The following RGS6 variants were observed in gnomAD, a reference collection of about 807,000 sequenced individuals.
RGS6 encodes the protein regulator of G-protein signaling 6.
A neutral mutation model predicts 78.5 loss-of-function variants in RGS6; 30 were observed. The ratio of observed to expected loss-of-function variants is 0.38; its 90% CI spans 0.29 to 0.52. The LOEUF (loss-of-function observed/expected upper bound fraction) is 0.52. RGS6 is among the 20% of genes least tolerant of loss of function. The probability of loss-of-function intolerance (pLI) is 0.85; values close to 1 mark genes in which losing one functional copy is unlikely to be tolerated. For synonymous variants in RGS6, 206 were observed against 206.0 expected, an observed-to-expected ratio of 1.00 and a Z score of 0.00; for missense variants, 495 against 609.7, an observed-to-expected ratio of 0.81 and a Z score of 1.98.
At chr14:72,375,046 A>C (rs868276545) in intron 3 of RGS6, among the ~76,000 whole-genome samples, 1 of 152,202 alleles carries the variant, frequency 6.6e-6, no homozygotes, top group African/African-American at 2.4e-5. Context: ...TAAAGCAGAT[A>C]AAAGTACTCA....
chr14:71,986,360 G>A (rs555424826), intron 2 of RGS6, among the ~76,000 whole-genome samples: 41 of 152,248 alleles, frequency 2.7e-4, no homozygotes, highest in Middle Eastern at 6.8e-3. Context: ...TTCAGCAGCT[G>A]CCTGGATTAG....
chr14:72,074,138 T>C (rs1489459963), intron 2 of RGS6, among the ~76,000 whole-genome samples: 3 of 152,230 alleles, frequency 2.0e-5, no homozygotes, highest in Admixed American at 6.5e-5. Context: ...GCAGGTAGAC[T>C]GGAGAAAGTG....
At chr14:72,440,906 AGG>A (rs1491173912) in intron 3 of RGS6, among the ~76,000 whole-genome samples, 1 of 152,074 alleles carries the variant, frequency 6.6e-6, no homozygotes, top group South Asian at 2.1e-4. Context: ...GCACATGCGC[AGG>A]TGTGTAAGTG....
chr14:72,258,995 C>G (rs2057614291), intron 2 of RGS6, among the ~76,000 whole-genome samples: 1 of 152,094 alleles, frequency 6.6e-6, no homozygotes, highest in Non-Finnish European at 1.5e-5. Flanking sequence ...ATTGGGAACA[C>G]AGTAGGGAGT....
chr14:72,372,160 G>A (rs746000086), intron 3 of RGS6, among the ~76,000 whole-genome samples: 57 of 152,138 alleles, frequency 3.7e-4, no homozygotes, highest in Non-Finnish European at 7.4e-4. Flanking sequence ...TTACTGACAT[G>A]TTAATATAAT....
At chr14:72,271,917 T>C (rs1404716921) in intron 2 of RGS6, among the ~76,000 whole-genome samples, 1 of 143,012 alleles carries the variant, frequency 7.0e-6, no homozygotes, top group African/African-American at 2.8e-5. Flanking sequence ...TAACACAGCA[T>C]CACTTTTTTT....
the RGS6 span, among the ~76,000 whole-genome samples, chr14:72,587,548 A>C: frequency 2.6e-5 from 4 of 152,110 alleles, no homozygotes; most frequent in African/African-American, 9.7e-5. Context: ...CTTTATCCTT[A>C]AACTGGCAAA....
At position 72,325,655 on chromosome 14, in the gene RGS6, ATTC is replaced by A. The variant is rs948152444; in HGVS notation, c.85-26434_85-26432del. Among the ~76,000 whole-genome samples the A allele has an allele frequency of 2.6e-4, 39 of 152,200 alleles. 1 individual carries two copies. The highest frequency in any genetic ancestry group is 1.2e-3 in the Admixed American group (19 of 15,284). On this transcript the variant is annotated intron_variant, in intron 2 of 17. Coordinates refer to ENST00000553525, the MANE Select transcript of RGS6 (RefSeq NM_001204424.2). Reference sequence around the variant, plus strand: ...TTTTTGTCAGTTTTGACAAAGGACTATTCTTCTTAACATGTTAAAAATCTCTTG... The same window carrying A: ...TTTTTGTCAGTTTTGACAAAGGACTATTCTTAACATGTTAAAAATCTCTTG...
At chr14:72,492,001 T>A (rs1548686) in intron 12 of RGS6, among the ~76,000 whole-genome samples, 114,893 of 152,082 alleles carry the variant, frequency 0.76, 44,426 homozygotes, top group East Asian at 0.96. Context: ...TACGCTCAGA[T>A]CTCAGACACA....
In RGS6 at chr14:72,398,283, A is replaced by G. The variant is rs370328869; in HGVS notation, c.184+46089A>G. ...CTTCTTCCTGGTTTAGTCTTGGGAG[A>G]GTGTATGTGTTGAGGAATTTATCCA... is the stretch of plus-strand genomic sequence containing the variant. On this transcript the variant is annotated intron_variant, in intron 3 of 17. Transcript: ENST00000553525. Among the ~76,000 whole-genome samples, 5 of 152,022 alleles carry G rather than the reference A, an allele frequency of 3.3e-5. No individual in the cohort carries two copies. The East Asian group carries it at 5.8e-4, about 18-fold the overall frequency.
intron 2 of RGS6, among the ~76,000 whole-genome samples, chr14:72,349,726 G>A (rs2078763084): frequency 6.6e-6 from 1 of 152,206 alleles, no homozygotes; most frequent in African/African-American, 2.4e-5. Context: ...ATTCAGTCGT[G>A]TGGTGAAATA....
At chr14:72,311,384 A>G (rs1425434218) in intron 2 of RGS6, among the ~76,000 whole-genome samples, 1 of 152,210 alleles carries the variant, frequency 6.6e-6, no homozygotes, top group African/African-American at 2.4e-5. Flanking sequence ...CTAAATGCTA[A>G]TAAGATTTGG....
chr14:72,306,377 C>T (rs571791974), intron 2 of RGS6, among the ~76,000 whole-genome samples: 1 of 152,260 alleles, frequency 6.6e-6, no homozygotes, highest in South Asian at 2.1e-4. Context: ...TTCTATAGCC[C>T]TGGAGCAAAG....
intron 2 of RGS6, among the ~76,000 whole-genome samples, chr14:72,056,785 C>T (rs1448997767): frequency 6.6e-6 from 1 of 152,140 alleles, no homozygotes; most frequent in Non-Finnish European, 1.5e-5. Flanking sequence ...ATCTGTAATA[C>T]AGCTGTATAT....
the RGS6 span, among the ~76,000 whole-genome samples, chr14:71,921,750 T>G: frequency 6.6e-6 from 1 of 152,192 alleles, no homozygotes; most frequent in African/African-American, 2.4e-5. Context: ...ATACAAAGTT[T>G]CAGTTATACA....
At chr14:72,224,762 A>T (rs1256118878) in intron 2 of RGS6, among the ~76,000 whole-genome samples, 1 of 152,088 alleles carries the variant, frequency 6.6e-6, no homozygotes, top group African/African-American at 2.4e-5. Context: ...GGACTTAGAG[A>T]TCAGTGCTCT....
intron 2 of RGS6, among the ~76,000 whole-genome samples, chr14:72,006,276 C>T (rs939604008): frequency 6.6e-6 from 1 of 152,140 alleles, no homozygotes; most frequent in Non-Finnish European, 1.5e-5. Flanking sequence ...TTATTGATGT[C>T]TACCAATGCA....
chr14:71,929,450 A>G (rs1236013306), upstream of RGS6, among the ~76,000 whole-genome samples: 1 of 152,244 alleles, frequency 6.6e-6, no homozygotes, highest in Non-Finnish European at 1.5e-5. Flanking sequence ...AGCATATCAT[A>G]TCAGGATGCT....
intron 2 of RGS6, among the ~76,000 whole-genome samples, chr14:72,163,352 C>A (rs1567351256): frequency 6.6e-6 from 1 of 152,148 alleles, no homozygotes; most frequent in East Asian, 1.9e-4. Flanking sequence ...AAATGAAATG[C>A]CAATGAGGTT....
Sources: allele counts gnomAD v4.1 joint callset (sites outside exome capture counted in the v4.1 genomes callset), GRCh38; gene constraint gnomAD v4.1.1; transcripts MANE v1.5; gene names NCBI Gene and HGNC (gene_info 2026-07-23, HGNC 2026-07-21).